CRMP1: variants seen among roughly 807,000 people sequenced by gnomAD.
CRMP1 encodes the protein dihydropyrimidinase-related protein 1.
In CRMP1, 19 loss-of-function variants were observed where a neutral mutation model predicts 68.3. The ratio of observed to expected loss-of-function variants is 0.28; its 90% CI spans 0.19 to 0.41. The LOEUF (loss-of-function observed/expected upper bound fraction) is 0.41. Among genes scored for constraint, CRMP1 ranks in the 10% least tolerant of loss-of-function variants. The probability of loss-of-function intolerance (pLI) is 1.00; values close to 1 mark genes in which losing one functional copy is unlikely to be tolerated. For missense variants in CRMP1, 791 were observed against 967.4 expected (o/e 0.82, Z 2.42); for synonymous variants, 439 against 399.6 (o/e 1.10, Z -1.18).
chr4:5,828,457 G>T, intron 12 of CRMP1, 32 bp downstream of exon 12: 1 of 1,603,052 alleles, frequency 6.2e-7, no homozygotes. Flanking sequence ...CTGGTCCCAC[G>T]GGTGGGCCCG....
At chr4:5,830,350 T>C (rs78681621) in intron 11 of CRMP1, among the ~76,000 whole-genome samples, 1,932 of 152,364 alleles carry the variant, frequency 0.013, 44 homozygotes, top group African/African-American at 0.043. Flanking sequence ...TGTATAATTT[T>C]TGTGTAGTCA....
In CRMP1 at chr4:5,893,015, G is replaced by T; in HGVS notation, c.-46C>A. The T allele has an allele frequency of 9.0e-7, 1 of 1,113,618 alleles. No individual in the cohort carries two copies. Among genetic ancestry groups the T allele is most frequent in the Non-Finnish European group, 1.1e-6 (1 of 909,638 alleles). The allele number at this position is 1,113,618 out of a possible 1,614,324, so 69.0% of individuals were successfully genotyped here. Reference sequence around the variant, plus strand: ...CCACCGCGCTCCCGCCTGCCCGCCCGCGGCCCTGGGCACCGCCGTGCGCCG... The same window carrying T: ...CCACCGCGCTCCCGCCTGCCCGCCCTCGGCCCTGGGCACCGCCGTGCGCCG... On this transcript the variant is annotated 5_prime_UTR_variant, in exon 1 of 14. Transcript: ENST00000324989.
Position 5,820,871 on chromosome 4 carries a change from G to A in CRMP1, c.*889C>T, listed in dbSNP as rs778874099. 2.0e-5 allele frequency: 3 copies of A among 152,184 alleles called. No individual in the cohort carries two copies. Among genetic ancestry groups the A allele is most frequent in the Non-Finnish European group, 4.4e-5 (3 of 68,044 alleles). 9.4% of individuals were successfully genotyped at this position (152,184 alleles called of 1,614,324 possible). A position where few individuals can be genotyped will look rare whatever the true frequency, so the allele number is the denominator to read the frequency against. On this transcript the variant is annotated 3_prime_UTR_variant, in exon 14 of 14. Transcript: ENST00000324989. Reference sequence around the variant, plus strand: ...CAAGTTGGTTGTTAAGTAAAAATGGGAGTGATTACAAAGGAAAACTTTGTA... The same window carrying A: ...CAAGTTGGTTGTTAAGTAAAAATGGAAGTGATTACAAAGGAAAACTTTGTA...
rs965143829 is a variant in CRMP1, at chr4:5,834,811, G to A, written c.1623+1104C>T. 1.3e-5 allele frequency among the ~76,000 whole-genome samples: 2 copies of A among 152,172 alleles called. No homozygotes were observed. The highest frequency in any genetic ancestry group is 1.5e-5 in the Non-Finnish European group (1 of 68,040). On this transcript the variant is annotated intron_variant, in intron 11 of 13. Coordinates refer to ENST00000324989, the MANE Select transcript of CRMP1 (RefSeq NM_001014809.3). This position sits in a 1 kb window ranked among gnomAD's most constrained non-coding sequence, Gnocchi z 4.3. ...TCAGGCACCCCGTTCCCTGGAGATGGGGGCTGTGGGAAGCAAGTAGTGTTA... is the reference window on the plus strand; with the variant it reads ...TCAGGCACCCCGTTCCCTGGAGATGAGGGCTGTGGGAAGCAAGTAGTGTTA...
chr4:5,889,474 G>T lies in CRMP1; in HGVS notation c.381+3115C>A, dbSNP rs1373553971. 2 of 1,265,458 alleles carry T rather than the reference G, an allele frequency of 1.6e-6. No homozygotes were observed. The highest frequency in any genetic ancestry group is 1.5e-5 in the African/African-American group (1 of 67,584). The allele number at this position is 1,265,458 out of a possible 1,614,324, so 78.4% of individuals were successfully genotyped here. On this transcript the variant is annotated intron_variant, in intron 1 of 13. Transcript: ENST00000324989. The surrounding 1 kb of genome is among the most constrained non-coding windows in gnomAD (Gnocchi z 4.5). Reference sequence around the variant, plus strand: ...CATGATCCAGATGTTGCTCCAGAGGGAGGTGGGCAGGAAGCCAGGTCACAG... The same window carrying T: ...CATGATCCAGATGTTGCTCCAGAGGTAGGTGGGCAGGAAGCCAGGTCACAG...
Position 5,841,390 on chromosome 4 carries a change from C to A in CRMP1, c.1071G>T (p.Ala357=), listed in dbSNP as rs74438936. 1.2e-6 allele frequency: 2 copies of A among 1,614,134 alleles called. No individual in the cohort carries two copies. Among genetic ancestry groups the A allele is most frequent in the Admixed American group, 1.7e-5 (1 of 60,016 alleles). ...TGTACACAGGGCAGTTGATCCGGCC[C>A]GCAATGGTGATGGCCCGGAACACCG... ...AEAVFRAITI[A]GRINCPVYIT... The change falls in exon 8 of 14, where the codon GCG becomes GCT. Residue 357 remains alanine (A), a synonymous_variant. Coordinates refer to ENST00000324989, the MANE Select transcript of CRMP1 (RefSeq NM_001014809.3). The surrounding 1 kb of genome is among the most constrained non-coding windows in gnomAD (Gnocchi z 6.9).
In CRMP1 at chr4:5,833,390, T is replaced by A. The variant is rs1046327203; in HGVS notation, c.1623+2525A>T. Among the ~76,000 whole-genome samples the A allele has an allele frequency of 5.7e-5, 5 of 87,784 alleles. 1 individual carries two copies. Among genetic ancestry groups the A allele is most frequent in the Non-Finnish European group, 1.2e-4 (5 of 40,542 alleles). The allele number at this position is 87,784 out of a possible 152,430, so 57.6% of individuals were successfully genotyped here. A position where few individuals can be genotyped will look rare whatever the true frequency, so the allele number is the denominator to read the frequency against. On this transcript the variant is annotated intron_variant, in intron 11 of 13. Transcript: ENST00000324989. ...ACCGTTTTAGCCGGGATGGTCTCGA[T>A]CTCCTGACCTCGTGATCCGCCCGCC...
At chr4:5,886,025 A>G (rs952453039) in intron 1 of CRMP1, among the ~76,000 whole-genome samples, 1 of 152,228 alleles carries the variant, frequency 6.6e-6, no homozygotes, top group African/African-American at 2.4e-5. Context: ...AGCAAAAGGT[A>G]CTCAGGAAGA....
Position 5,861,036 on chromosome 4 carries a change from G to T in CRMP1, c.645C>A (p.Thr215=). The T allele has an allele frequency of 1.9e-6, 3 of 1,613,924 alleles. No homozygotes were observed. Among genetic ancestry groups the T allele is most frequent in the Non-Finnish European group, 2.5e-6 (3 of 1,179,942 alleles). The change falls in exon 3 of 14, where the codon ACC becomes ACA. Residue 215 remains threonine, a synonymous_variant. Transcript: ENST00000324989. This position sits in a 1 kb window ranked among gnomAD's most constrained non-coding sequence, Gnocchi z 6.0. ...QGTRAALVGG[T]TMIIDHVVPE... is the part of the protein sequence containing the mutation. ...GACAGTGTCACTCACTGATCATCGT[G>T]GTCCCGCCCACCAGTGCCGCCCTGG...
Position 5,831,099 on chromosome 4 carries a change from C to A in CRMP1, c.1624-2431G>T, listed in dbSNP as rs28635597. Among the ~76,000 whole-genome samples the A allele has an allele frequency of 2.7e-3, 406 of 152,212 alleles. 1 individual carries two copies. The highest frequency in any genetic ancestry group is 9.3e-3 in the African/African-American group (388 of 41,546). ...AAGTAGCTAGGACTACAGGCATGCA[C>A]CACCATGCCTAGTTAATTTTTTTAT... is the stretch of plus-strand genomic sequence containing the variant. On this transcript the variant is annotated intron_variant, in intron 11 of 13. Transcript: ENST00000324989.
Position 5,860,806 on chromosome 4 carries a change from C to T in CRMP1, c.655+220G>A, listed in dbSNP as rs144487481. Among the ~76,000 whole-genome samples, 2 of 152,022 alleles carry T rather than the reference C, an allele frequency of 1.3e-5. No homozygotes were observed. Among genetic ancestry groups the T allele is most frequent in the Admixed American group, 6.6e-5 (1 of 15,264 alleles). On this transcript the variant is annotated intron_variant, in intron 3 of 13. Coordinates refer to ENST00000324989, the MANE Select transcript of CRMP1 (RefSeq NM_001014809.3). The surrounding 1 kb of genome is among the most constrained non-coding windows in gnomAD (Gnocchi z 4.2). ...TAAAAATAATTTTTTAAAATTGGTA[C>T]CTATAAAACCGTATTGTTTATTAAG...
At chr4:5,871,229 T>C (rs1367566399) in intron 1 of CRMP1, among the ~76,000 whole-genome samples, 2 of 152,344 alleles carry the variant, frequency 1.3e-5, no homozygotes, top group South Asian at 2.1e-4. Context: ...AACCTCTTCA[T>C]GTTCTTTCTT....
intron 1 of CRMP1, among the ~76,000 whole-genome samples, chr4:5,873,742 T>C (rs1456594120): frequency 6.6e-6 from 1 of 151,926 alleles, no homozygotes; most frequent in Non-Finnish European, 1.5e-5. Context: ...CCATATTCCA[T>C]GGGGAAAGAC....
At chr4:5,849,353 C>A in intron 6 of CRMP1, 39 bp downstream of exon 6, 2 of 1,512,656 alleles carry the variant, frequency 1.3e-6, no homozygotes, top group Non-Finnish European at 1.8e-6. Flanking sequence ...CAAGGAGAAT[C>A]AGACTGAGGT....
chr4:5,876,484 T>G (rs1041702325), intron 1 of CRMP1, among the ~76,000 whole-genome samples: 21 of 152,112 alleles, frequency 1.4e-4, no homozygotes, highest in Non-Finnish European at 2.9e-5. Flanking sequence ...CTGACCAGTC[T>G]CTTCTGGAAA....
chr4:5,879,029 A>G lies in CRMP1; in HGVS notation c.382-12273T>C, dbSNP rs1715047363. On this transcript the variant is annotated intron_variant, in intron 1 of 13. Coordinates refer to ENST00000324989, the MANE Select transcript of CRMP1 (RefSeq NM_001014809.3). This position sits in a 1 kb window ranked among gnomAD's most constrained non-coding sequence, Gnocchi z 4.2. ...CCCTGCCACAGAACTTGTCCACTCC[A>G]TATGACAGGCAGAGTGACCTTTCTG... Among the ~76,000 whole-genome samples the G allele has an allele frequency of 6.6e-6, 1 of 152,148 alleles. No homozygotes were observed. The highest frequency in any genetic ancestry group is 2.1e-4 in the South Asian group (1 of 4,830).
Position 5,842,428 on chromosome 4 carries a change from C to CAAAAAAAAA in CRMP1, c.1032+656_1032+664dup, listed in dbSNP as rs71171489. On this transcript the variant is annotated intron_variant, in intron 7 of 13. Transcript: ENST00000324989. This position sits in a 1 kb window ranked among gnomAD's most constrained non-coding sequence, Gnocchi z 4.5. ...TGGGCAACAGAGAGAGACTCCATCTCAAAAAAAAAAAAAAAAAAAGAAAAG... is the reference window on the plus strand; with the variant it reads ...TGGGCAACAGAGAGAGACTCCATCTCAAAAAAAAAAAAAAAAAAAAAAAAAAAAGAAAAG... Among the ~76,000 whole-genome samples, 1 of 99,048 alleles carries CAAAAAAAAA rather than the reference C, an allele frequency of 1.0e-5. No homozygotes were observed. The highest frequency in any genetic ancestry group is 2.1e-5 in the Non-Finnish European group (1 of 47,622). 65.0% of individuals were successfully genotyped at this position (99,048 alleles called of 152,430 possible).
In CRMP1 at chr4:5,843,734, G is replaced by A. The variant is rs989434312; in HGVS notation, c.964-573C>T. ...ACGCTGATCAGATGAGCGAGCATAC[G>A]AAACATGCTCAGCACAAAACCTGGA... On this transcript the variant is annotated intron_variant, in intron 6 of 13. Transcript: ENST00000324989. The surrounding 1 kb of genome is among the most constrained non-coding windows in gnomAD (Gnocchi z 4.1). Among the ~76,000 whole-genome samples the A allele has an allele frequency of 4.6e-5, 7 of 152,230 alleles. No individual in the cohort carries two copies. Among genetic ancestry groups the A allele is most frequent in the East Asian group, 3.9e-4 (2 of 5,172 alleles).
rs769212320 is a variant in CRMP1, at chr4:5,843,186, A to T, written c.964-25T>A. 6.2e-7 allele frequency: 1 copy of T among 1,613,516 alleles called. No homozygotes were observed. The highest frequency in any genetic ancestry group is 1.7e-5 in the Admixed American group (1 of 60,020). ...CCTACAAGACAAGAACAAGTGAGTTAACGATTAGAGGGTGTCAGAGCTGGG... is the reference window on the plus strand; with the variant it reads ...CCTACAAGACAAGAACAAGTGAGTTTACGATTAGAGGGTGTCAGAGCTGGG... On this transcript the variant is annotated intron_variant, in intron 6 of 13. Coordinates refer to ENST00000324989, the MANE Select transcript of CRMP1 (RefSeq NM_001014809.3). The surrounding 1 kb of genome is among the most constrained non-coding windows in gnomAD (Gnocchi z 4.1).
Sources: allele counts gnomAD v4.1 joint callset (sites outside exome capture counted in the v4.1 genomes callset), GRCh38; gene constraint gnomAD v4.1.1; non-coding constraint Gnocchi (gnomAD v3.1); transcripts MANE v1.5; gene names NCBI Gene and HGNC (gene_info 2026-07-23, HGNC 2026-07-21).